The following DLG4 variants were observed in gnomAD, a reference collection of about 807,000 sequenced individuals.
DLG4 encodes the protein disks large homolog 4.
DLG4 carries 7 observed loss-of-function variants against 93.8 expected under a neutral mutation model. The observed-to-expected ratio is 0.07, with a 90% CI of 0.04 to 0.14. DLG4 has a LOEUF of 0.14. Ranked by LOEUF, DLG4 falls within the 10% of genes least tolerant of loss-of-function variation. The pLI is 1.00. For missense variants in DLG4, 545 were observed against 992.9 expected (o/e 0.55, Z 6.06); for synonymous variants, 341 against 387.6 (o/e 0.88, Z 1.41).
intron 2 of DLG4, 102 bp from the exon 3 acceptor site, chr17:7,204,354 G>T: frequency 1.7e-6 from 2 of 1,187,344 alleles, no homozygotes. Flanking sequence ...CAGCCTCTTA[G>T]CCAAGCCCAC....
chr17:7,211,807 A>C (rs2142918171), intron 1 of DLG4: 1 of 33,334 alleles, frequency 3.0e-5, no homozygotes, highest in African/African-American at 1.6e-4. Flanking sequence ...GGCCGCGGCA[A>C]CTGGAGGCTG....
chr17:7,191,815 T>G lies in DLG4; in HGVS notation c.1976+78A>C. The G allele has an allele frequency of 9.7e-7, 1 of 1,031,706 alleles. No individual in the cohort carries two copies. Among genetic ancestry groups the G allele is most frequent in the Non-Finnish European group, 1.4e-6 (1 of 727,864 alleles). 63.9% of individuals were successfully genotyped at this position (1,031,706 alleles called of 1,614,324 possible). A position where few individuals can be genotyped will look rare whatever the true frequency, so the allele number is the denominator to read the frequency against. On this transcript the variant is annotated intron_variant, in intron 18 of 19. Coordinates refer to ENST00000399506, the MANE Select transcript of DLG4 (RefSeq NM_001321075.3). The surrounding 1 kb of genome is among the most constrained non-coding windows in gnomAD (Gnocchi z 6.6). ...GCTGTCCAGGGTTCTGAAGGGAGAG[T>G]TGAACGCAGACGCCTTGTGAGGCCC...
Position 7,203,153 on chromosome 17 carries a change from C to T in DLG4, c.642+40G>A, listed in dbSNP as rs41283397. 9 of 1,571,668 alleles carry T rather than the reference C, an allele frequency of 5.7e-6. No homozygotes were observed. The East Asian group carries it at 1.6e-4, about 28-fold the overall frequency. ...GCCTGCCAGGGCTAGTAGGTGAGAC[C>T]CAAATCTGGGCTAGAAAATGGGCTA... On this transcript the variant is annotated intron_variant, in intron 7 of 19. Coordinates refer to ENST00000399506, the MANE Select transcript of DLG4 (RefSeq NM_001321075.3). The surrounding 1 kb of genome is among the most constrained non-coding windows in gnomAD (Gnocchi z 7.2).
At position 7,208,179 on chromosome 17, in the gene DLG4, T is replaced by C; in HGVS notation, c.91A>G (p.Asn31Asp). 7.6e-7 allele frequency: 1 copy of C among 1,315,650 alleles called. No homozygotes were observed. Among genetic ancestry groups the C allele is most frequent in the Non-Finnish European group, 9.8e-7 (1 of 1,022,708 alleles). The allele number at this position is 1,315,650 out of a possible 1,614,324, so 81.5% of individuals were successfully genotyped here. Residue 31 changes from asparagine to aspartate, a missense_variant, in exon 2 of 20, where the codon AAC (asparagine) becomes GAC (aspartate). Asn to Asp is a conservative substitution (Grantham distance 23, BLOSUM62 1). Around this residue, in one of 5 missense-constraint regions of DLG4, gnomAD observed 49 missense variants for 80.4 expected, o/e 0.61. Transcript: ENST00000399506. This position sits in a 1 kb window ranked among gnomAD's most constrained non-coding sequence, Gnocchi z 5.4. ...PLEHSPAHLP[N>D]QANSPPVIVN... The stretch of plus-strand genomic sequence containing the variant: ...ACCAGCTCGGGGGCGTTTACCTGGT[T>C]GGGGAGGTGGGCCGGGCTGTGCTCC...
chr17:7,191,905 A>G lies in DLG4; in HGVS notation c.1964T>C (p.Leu655Pro). The change falls in exon 18 of 20, where the codon CTG becomes CCG. Residue 655 changes from leucine (L) to proline (P), a missense_variant. Leu to Pro is a moderately conservative substitution (Grantham distance 98, BLOSUM62 -3). Transcript: ENST00000399506. The surrounding 1 kb of genome is among the most constrained non-coding windows in gnomAD (Gnocchi z 6.6). ...PIAIFIRPRSLENVLEINKRI... is the reference protein window; with the variant it reads ...PIAIFIRPRSPENVLEINKRI... The stretch of plus-strand genomic sequence containing the variant: ...GGACCATACTCACAGCACATTCTCC[A>G]GGGAGCGGGGGCGGATGAAGATGGC... 1 of 1,467,646 alleles carries G rather than the reference A, an allele frequency of 6.8e-7. No homozygotes were observed. The highest frequency in any genetic ancestry group is 9.0e-7 in the Non-Finnish European group (1 of 1,106,340). 90.9% of individuals were successfully genotyped at this position (1,467,646 alleles called of 1,614,324 possible).
rs61283875 is a variant in DLG4, at chr17:7,187,547, C to CAATAATAATAATAATAAT, written c.*3143_*3160dup. ...GGCAACAAGAGCGAAACTCTGTCTC[C>CAATAATAATAATAATAAT]AATAATAATAATAATAATAATAATA... On this transcript the variant is annotated 3_prime_UTR_variant, in exon 20 of 20. Coordinates refer to ENST00000399506, the MANE Select transcript of DLG4 (RefSeq NM_001321075.3). Among the ~76,000 whole-genome samples, 65 of 145,864 alleles carry CAATAATAATAATAATAAT rather than the reference C, an allele frequency of 4.5e-4. No homozygotes were observed. The highest frequency in any genetic ancestry group is 8.6e-4 in the African/African-American group (34 of 39,644).
chr17:7,219,297 G>A, upstream of DLG4: 1 of 711,724 alleles, frequency 1.4e-6, no homozygotes, highest in Non-Finnish European at 1.8e-6. Flanking sequence ...CCATCTGCCT[G>A]GGCACATGGT....
rs1243920377 is a variant in DLG4, at chr17:7,200,856, G to GTT, written c.787+2045_787+2046dup. ...CCACCGGCGCGCCCAGCCTGTTTTGGTTTTTTTTTTTTTTTTTTTTTGAGA... is the reference window on the plus strand; with the variant it reads ...CCACCGGCGCGCCCAGCCTGTTTTGGTTTTTTTTTTTTTTTTTTTTTTTGAGA... On this transcript the variant is annotated intron_variant, in intron 8 of 19. Coordinates refer to ENST00000399506, the MANE Select transcript of DLG4 (RefSeq NM_001321075.3). Among the ~76,000 whole-genome samples the GTT allele has an allele frequency of 5.5e-3, 524 of 94,656 alleles. 6 individuals are homozygous for GTT. The highest frequency in any genetic ancestry group is 8.7e-3 in the South Asian group (23 of 2,636). The allele number at this position is 94,656 out of a possible 152,430, so 62.1% of individuals were successfully genotyped here.
intron 17 of DLG4, among the ~76,000 whole-genome samples, chr17:7,192,701 G>T (rs1292638541): frequency 2.0e-5 from 3 of 151,806 alleles, no homozygotes; most frequent in Non-Finnish European, 4.4e-5. Flanking sequence ...AGGGAGTGGG[G>T]AGAGAAAGAG....
At chr17:7,219,469 G>C, upstream of DLG4, 1 of 1,036,400 alleles carries the variant, frequency 9.6e-7, no homozygotes, top group Non-Finnish European at 1.2e-6. Context: ...ATACACTTAG[G>C]GTACTCACAC....
chr17:7,198,113 C>T (rs998662755), intron 8 of DLG4, among the ~76,000 whole-genome samples: 4 of 152,130 alleles, frequency 2.6e-5, no homozygotes, highest in Admixed American at 1.3e-4. Context: ...CTGACAATCA[C>T]CGCCTGGTTC....
intron 8 of DLG4, among the ~76,000 whole-genome samples, chr17:7,199,255 A>G (rs1288619807): frequency 1.3e-5 from 2 of 151,370 alleles, no homozygotes; most frequent in Non-Finnish European, 2.9e-5. Flanking sequence ...GCTGGTGTGC[A>G]GTGGTGCGAT....
rs1460806871 is a variant in DLG4, at chr17:7,190,527, G to C, written c.*181C>G. ...CCTGGCGTTCAGGAGCCCAGTTCTG[G>C]GGTGCGGGGATACATGCAGAGGAGT... On this transcript the variant is annotated 3_prime_UTR_variant, in exon 20 of 20. Transcript: ENST00000399506. 1.7e-6 allele frequency: 1 copy of C among 597,028 alleles called. No homozygotes were observed. The highest frequency in any genetic ancestry group is 3.0e-6 in the Non-Finnish European group (1 of 332,898). The allele number at this position is 597,028 out of a possible 1,614,324, so 37.0% of individuals were successfully genotyped here.
chr17:7,202,936 T>A lies in DLG4; in HGVS notation c.754A>T (p.Ser252Cys), dbSNP rs777444076. 6.2e-7 allele frequency: 1 copy of A among 1,614,014 alleles called. No individual in the cohort carries two copies. The highest frequency in any genetic ancestry group is 8.5e-7 in the Non-Finnish European group (1 of 1,179,886). Residue 252 changes from serine to cysteine, a missense_variant, in exon 8 of 20, where the codon AGT becomes TGT. Around this residue, in one of 5 missense-constraint regions of DLG4, gnomAD observed 428 missense variants for 741.4 expected, o/e 0.58. Transcript: ENST00000399506. ...ATGTCTGGGGGAGCATAGCTGTCAC[T>A]CAGGTAGGCATTGCTGGGCTTGGCC... Reference protein sequence around the residue: ...KVAKPSNAYLSDSYAPPDITT... With the variant: ...KVAKPSNAYLCDSYAPPDITT...
chr17:7,214,922 G>A (rs1183841138), intron 1 of DLG4, among the ~76,000 whole-genome samples: 1 of 152,198 alleles, frequency 6.6e-6, no homozygotes, highest in Non-Finnish European at 1.5e-5. Flanking sequence ...ACTGCGGCAG[G>A]AGTCTAAATA....
Position 7,191,116 on chromosome 17 carries a change from C to T in DLG4, c.2068+151G>A. On this transcript the variant is annotated intron_variant, in intron 19 of 19. Coordinates refer to ENST00000399506, the MANE Select transcript of DLG4 (RefSeq NM_001321075.3). The surrounding 1 kb of genome is among the most constrained non-coding windows in gnomAD (Gnocchi z 6.6). Reference sequence around the variant, plus strand: ...TACCGAGTAGCTGGGATTACAGGTGCCCGCCAGTGCTGGGATTACAGGCGT... The same window carrying T: ...TACCGAGTAGCTGGGATTACAGGTGTCCGCCAGTGCTGGGATTACAGGCGT... 1.4e-6 allele frequency: 1 copy of T among 702,890 alleles called. No homozygotes were observed. The highest frequency in any genetic ancestry group is 2.7e-5 in the East Asian group (1 of 36,694). The allele number at this position is 702,890 out of a possible 1,614,324, so 43.5% of individuals were successfully genotyped here.
At chr17:7,192,920 G>C in intron 17 of DLG4, 25 bp downstream of exon 17, 1 of 1,584,646 alleles carries the variant, frequency 6.3e-7, no homozygotes. Context: ...AGAAGGAAGA[G>C]GACCGGGTGC....
At chr17:7,219,182 G>C (rs1331244059), upstream of DLG4, 1 of 377,888 alleles carries the variant, frequency 2.6e-6, no homozygotes, top group East Asian at 5.4e-5. Context: ...GCAGAAAAAG[G>C]GGTAGAAATT....
At position 7,203,650 on chromosome 17, in the gene DLG4, C is replaced by A. The variant is rs1332777631; in HGVS notation, c.335+42G>T. ...GCTTCCTGCTGCCCTGGCCCTCCCT[C>A]TCCAGGGACCAAGCAACCTAACCCC... On this transcript the variant is annotated intron_variant, in intron 5 of 19. Transcript: ENST00000399506. The surrounding 1 kb of genome is among the most constrained non-coding windows in gnomAD (Gnocchi z 7.2). 2 of 1,612,194 alleles carry A rather than the reference C, an allele frequency of 1.2e-6. No homozygotes were observed. Among genetic ancestry groups the A allele is most frequent in the East Asian group, 4.5e-5 (2 of 44,842 alleles).
Sources: allele counts gnomAD v4.1 joint callset (sites outside exome capture counted in the v4.1 genomes callset), GRCh38; gene constraint gnomAD v4.1.1; regional missense constraint gnomAD v4.1.1; non-coding constraint Gnocchi (gnomAD v3.1); transcripts MANE v1.5; gene names NCBI Gene and HGNC (gene_info 2026-07-23, HGNC 2026-07-21).